LRRN2: variants seen among roughly 807,000 people sequenced by gnomAD.
The protein encoded by LRRN2 is leucine-rich repeat neuronal protein 2.
A neutral mutation model predicts 35.7 loss-of-function variants in LRRN2; 10 were observed. The ratio of observed to expected loss-of-function variants is 0.28; its 90% CI spans 0.17 to 0.47. LRRN2 has a LOEUF of 0.47. LRRN2 is among the 20% of genes least tolerant of loss of function. The pLI, the probability that LRRN2 is intolerant of heterozygous loss-of-function variation, is 0.99. For missense variants in LRRN2, 731 were observed against 940.3 expected (o/e 0.78, Z 2.91); for synonymous variants, 391 against 409.6 (o/e 0.95, Z 0.55).
intron 1 of LRRN2, among the ~76,000 whole-genome samples, chr1:204,655,996 A>G (rs1020731583): frequency 7.3e-5 from 11 of 151,472 alleles, no homozygotes; most frequent in Admixed American, 1.3e-4. Flanking sequence ...TGCAAGCTCC[A>G]CCTCCCAGGT....
chr1:204,674,805 T>G (rs1047899155), intron 1 of LRRN2, among the ~76,000 whole-genome samples: 1 of 152,138 alleles, frequency 6.6e-6, no homozygotes, highest in Non-Finnish European at 1.5e-5. Flanking sequence ...TGCGGATGTT[T>G]GGAGAAAGCT....
At chr1:204,675,759 C>G (rs1668812145) in intron 1 of LRRN2, among the ~76,000 whole-genome samples, 1 of 152,252 alleles carries the variant, frequency 6.6e-6, no homozygotes, top group Non-Finnish European at 1.5e-5. Flanking sequence ...GCCCATTATT[C>G]TGCCTACCAT....
chr1:204,679,076 G>C (rs1263205349), intron 1 of LRRN2, among the ~76,000 whole-genome samples: 1 of 152,184 alleles, frequency 6.6e-6, no homozygotes, highest in Non-Finnish European at 1.5e-5. Flanking sequence ...GCAGTGGACA[G>C]GATGATTCTG....
rs35192809 is a variant in LRRN2, at chr1:204,671,642, T to TAAAAAAAAAAAA, written c.-227+13666_-227+13677dup. On this transcript the variant is annotated intron_variant, in intron 1 of 1. Transcript: ENST00000367177. ...GAAGGCAGAGGAAGGTAATTGATGG[T>TAAAAAAAAAAAA]AAAAAAAAAAAAAAAAAAAAAAAAA... Among the ~76,000 whole-genome samples, 5 of 30,250 alleles carry TAAAAAAAAAAAA rather than the reference T, an allele frequency of 1.7e-4. 1 individual carries two copies. The East Asian group carries it at 5.2e-3, about 31-fold the overall frequency. 19.8% of individuals were successfully genotyped at this position (30,250 alleles called of 152,430 possible).
chr1:204,625,121 TA>T (rs1667241052), intron 1 of LRRN2, among the ~76,000 whole-genome samples: 1 of 152,218 alleles, frequency 6.6e-6, no homozygotes, highest in African/African-American at 2.4e-5. Flanking sequence ...CTGAATTCCA[TA>T]AATAACTTAT....
chr1:204,633,901 C>T (rs564273525), intron 1 of LRRN2, among the ~76,000 whole-genome samples: 2 of 152,206 alleles, frequency 1.3e-5, no homozygotes, highest in African/African-American at 4.8e-5. Context: ...AAGAGAACGC[C>T]CTTTCCAATC....
rs1247490354 is a variant in LRRN2 at position 204,638,409 on chromosome 1, T to A, written c.-226-18191A>T. ...AACTTGCCCAAGGTCTTCCTTTTTT[T>A]TTTTTTTTTTTTTTTTTTTTGAGAC... On this transcript the variant is annotated intron_variant, in intron 1 of 1. Coordinates refer to ENST00000367177, the MANE Select transcript of LRRN2 (RefSeq NM_201630.2). Among the ~76,000 whole-genome samples the A allele has an allele frequency of 1.1e-4, 14 of 122,540 alleles. No homozygotes were observed. In the South Asian group the frequency reaches 4.3e-3, roughly 37 times the overall value. 80.4% of individuals were successfully genotyped at this position (122,540 alleles called of 152,430 possible).
chr1:204,618,836 C>T lies in LRRN2; in HGVS notation c.1157G>A (p.Arg386His), dbSNP rs374385440. The T allele has an allele frequency of 1.5e-5, 25 of 1,614,010 alleles. No individual in the cohort carries two copies. The highest frequency in any genetic ancestry group is 5.3e-5 in the African/African-American group (4 of 74,926). ...GGATTGCGGCTCGATGAAGCGGACA[C>T]GGGTGCCCGTGGCATTGGCCCAGCG... ...VIRWANATGT[R>H]VRFIEPQSTL... The change falls in exon 2 of 2, where the codon CGT becomes CAT. Residue 386 changes from arginine (R) to histidine (H), a missense_variant. Arg to His is a conservative substitution (Grantham distance 29). Around this residue, in one of 3 missense-constraint regions of LRRN2, gnomAD observed 256 missense variants for 392.4 expected, o/e 0.65. Coordinates refer to ENST00000367177, the MANE Select transcript of LRRN2 (RefSeq NM_201630.2).
At chr1:204,659,768 T>A (rs1420042323) in intron 1 of LRRN2, among the ~76,000 whole-genome samples, 5 of 152,162 alleles carry the variant, frequency 3.3e-5, no homozygotes, top group Non-Finnish European at 7.3e-5. Context: ...TCATGGTAAG[T>A]GCCTTATAAG....
At chr1:204,649,862 C>T (rs1056218885) in intron 1 of LRRN2, among the ~76,000 whole-genome samples, 3 of 152,160 alleles carry the variant, frequency 2.0e-5, no homozygotes, top group Non-Finnish European at 4.4e-5. Context: ...CAGGCAGAGG[C>T]AACCTGGCGT....
At chr1:204,679,111 C>T (rs1339938365) in intron 1 of LRRN2, among the ~76,000 whole-genome samples, 1 of 152,158 alleles carries the variant, frequency 6.6e-6, no homozygotes, top group Non-Finnish European at 1.5e-5. Flanking sequence ...ATGTAGATTC[C>T]ACCATTCAAC....
chr1:204,628,609 C>G (rs930493949), intron 1 of LRRN2: 1 of 152,244 alleles, frequency 6.6e-6, no homozygotes, highest in Non-Finnish European at 1.5e-5. Flanking sequence ...GCTGGCCTAT[C>G]AGGGTACTTG....
chr1:204,630,479 A>C (rs951623058), intron 1 of LRRN2, among the ~76,000 whole-genome samples: 3 of 151,846 alleles, frequency 2.0e-5, no homozygotes, highest in Non-Finnish European at 4.4e-5. Context: ...AGAAAAAGAG[A>C]CTCATTTCAT....
chr1:204,619,936 A>AGTG lies in LRRN2; in HGVS notation c.56_57insCAC (p.Ala19_Val20insThr). ...GAACATGCCAGGGTACCACGGGCAC[A>AGTG]GCGGCAGTGGCACCAGCCACCCAAG... is the stretch of plus-strand genomic sequence containing the variant. On this transcript the variant is annotated inframe_insertion, in exon 2 of 2. Coordinates refer to ENST00000367177, the MANE Select transcript of LRRN2 (RefSeq NM_201630.2). 9 of 1,613,370 alleles carry AGTG rather than the reference A, an allele frequency of 5.6e-6. No homozygotes were observed. Among genetic ancestry groups the AGTG allele is most frequent in the Non-Finnish European group, 7.6e-6 (9 of 1,179,890 alleles).
chr1:204,633,570 T>C (rs1408226508), intron 1 of LRRN2, among the ~76,000 whole-genome samples: 2 of 152,188 alleles, frequency 1.3e-5, no homozygotes, highest in Admixed American at 1.3e-4. Context: ...ACCAGAGTGA[T>C]TGTGTTGAAT....
At chr1:204,627,858 G>A (rs1667516065) in intron 1 of LRRN2, among the ~76,000 whole-genome samples, 1 of 152,216 alleles carries the variant, frequency 6.6e-6, no homozygotes. Flanking sequence ...GAGCTCCTCT[G>A]AGGCAGGAAC....
Position 204,618,989 on chromosome 1 carries a change from G to A in LRRN2, c.1004C>T (p.Pro335Leu). Residue 335 changes from proline to leucine, a missense_variant, in exon 2 of 2, where the codon CCC (proline) becomes CTC (leucine). Pro to Leu is a moderately conservative substitution (Grantham distance 98). Transcript: ENST00000367177. Reference sequence around the variant, plus strand: ...GTTGAGCATGAGGGTCTCCATCTGGGGCAGGTGGTGGAAGGCGCGGGGGTG... The same window carrying A: ...GTTGAGCATGAGGGTCTCCATCTGGAGCAGGTGGTGGAAGGCGCGGGGGTG... ...FIHPRAFHHL[P>L]QMETLMLNNN... 6.2e-7 allele frequency: 1 copy of A among 1,613,148 alleles called. No homozygotes were observed. The highest frequency in any genetic ancestry group is 8.5e-7 in the Non-Finnish European group (1 of 1,179,258).
At chr1:204,665,489 T>C (rs1571676912) in intron 1 of LRRN2, among the ~76,000 whole-genome samples, 1 of 152,140 alleles carries the variant, frequency 6.6e-6, no homozygotes, top group South Asian at 2.1e-4. Context: ...TTGCTTGAGG[T>C]CAAGACCCAC....
chr1:204,618,124 T>C lies in LRRN2; in HGVS notation c.1869A>G (p.Arg623=). The C allele has an allele frequency of 6.2e-7, 1 of 1,614,096 alleles. No individual in the cohort carries two copies. Among genetic ancestry groups the C allele is most frequent in the Non-Finnish European group, 8.5e-7 (1 of 1,179,968 alleles). ...ARTKEATSCH[R]ALGDRPGLIA... is the part of the protein sequence containing the mutation. Reference sequence around the variant, plus strand: ...TGAGCCCAGGACGGTCCCCTAAGGCTCTGTGGCAAGAAGTGGCCTCTTTGG... The same window carrying C: ...TGAGCCCAGGACGGTCCCCTAAGGCCCTGTGGCAAGAAGTGGCCTCTTTGG... Residue 623 remains arginine, a synonymous_variant, in exon 2 of 2, where the codon AGA becomes AGG. Transcript: ENST00000367177.
Sources: allele counts gnomAD v4.1 joint callset (sites outside exome capture counted in the v4.1 genomes callset), GRCh38; gene constraint gnomAD v4.1.1; regional missense constraint gnomAD v4.1.1; transcripts MANE v1.5; gene names NCBI Gene and HGNC (gene_info 2026-07-23, HGNC 2026-07-21).